The following RPAP2 variants were observed in gnomAD, a reference collection of about 807,000 sequenced individuals.
RPAP2 encodes the protein RNA polymerase II associated protein 2.
In RPAP2, 52 loss-of-function variants were observed where a neutral mutation model predicts 73.1. That is an observed-to-expected ratio of 0.71 (90% CI 0.57 to 0.90). The LOEUF is 0.90. Among genes scored for constraint, RPAP2 ranks in the 40% least tolerant of loss-of-function variants. RPAP2 has a pLI of 0.00. For synonymous variants in RPAP2, 225 were observed against 242.1 expected (o/e 0.93, Z 0.65); for missense variants, 598 against 701.8 (o/e 0.85, Z 1.67).
intron 6 of RPAP2, among the ~76,000 whole-genome samples, chr1:92,316,106 A>C (rs1651889958): frequency 6.6e-6 from 1 of 152,226 alleles, no homozygotes; most frequent in South Asian, 2.1e-4. Flanking sequence ...CTAAAATCTT[A>C]AATCTAAGAA....
chr1:92,332,075 G>A (rs1652999889), intron 8 of RPAP2, among the ~76,000 whole-genome samples: 1 of 151,266 alleles, frequency 6.6e-6, no homozygotes, highest in Admixed American at 6.6e-5. Flanking sequence ...TTATCTCTTA[G>A]ATATTGCTTC....
chr1:92,365,873 GT>G (rs1654914257), intron 11 of RPAP2, among the ~76,000 whole-genome samples: 2 of 152,006 alleles, frequency 1.3e-5, no homozygotes, highest in South Asian at 4.1e-4. Context: ...TACTTCTGGG[GT>G]TATTTGTTCA....
At chr1:92,314,915 C>T (rs1411245372) in intron 6 of RPAP2, among the ~76,000 whole-genome samples, 3 of 149,288 alleles carry the variant, frequency 2.0e-5, no homozygotes, top group East Asian at 2.0e-4. Flanking sequence ...CATGGTGGCT[C>T]ACGCCTGTAA....
At chr1:92,302,675 C>T (rs978720460) in intron 3 of RPAP2, among the ~76,000 whole-genome samples, 1 of 132,564 alleles carries the variant, frequency 7.5e-6, no homozygotes, top group African/African-American at 2.8e-5. Flanking sequence ...GATCTCTGCT[C>T]ACTGCAAGCT....
At chr1:92,311,711 A>G (rs1038169541) in intron 6 of RPAP2, among the ~76,000 whole-genome samples, 1 of 152,210 alleles carries the variant, frequency 6.6e-6, no homozygotes, top group African/African-American at 2.4e-5. Context: ...TTGGTTCCAG[A>G]CCACCACTAT....
chr1:92,355,622 A>T lies in RPAP2; in HGVS notation c.1688+9708A>T, dbSNP rs77221199. 6.9e-3 allele frequency among the ~76,000 whole-genome samples: 1,047 copies of T among 152,294 alleles called. 55 individuals are homozygous for T. In the East Asian group the frequency reaches 0.13, roughly 19 times the overall value. On this transcript the variant is annotated intron_variant, in intron 11 of 12. Coordinates refer to ENST00000610020, the MANE Select transcript of RPAP2 (RefSeq NM_024813.3). ...AGATTTCAGAGTACTCATTTAAGAA[A>T]GTGAGAGGAACACCCCCAAGATGCC... is the stretch of plus-strand genomic sequence containing the variant.
At chr1:92,307,665 A>AT (rs1281689760) in intron 6 of RPAP2, among the ~76,000 whole-genome samples, 5 of 152,178 alleles carry the variant, frequency 3.3e-5, no homozygotes, top group Non-Finnish European at 5.9e-5. Flanking sequence ...GTTCAGGTTC[A>AT]TTTAATCTTT....
chr1:92,380,592 T>A (rs1183978313), intron 11 of RPAP2, 132 bp from the exon 12 acceptor site: 1 of 527,960 alleles, frequency 1.9e-6, no homozygotes, highest in Non-Finnish European at 3.2e-6. Flanking sequence ...AGTAAAGCCT[T>A]CTCTCTGGGA....
chr1:92,382,771 A>C (rs539353751), intron 12 of RPAP2, among the ~76,000 whole-genome samples: 5 of 152,124 alleles, frequency 3.3e-5, no homozygotes, highest in South Asian at 2.1e-4. Context: ...TCTTTAGTTT[A>C]ATTAGATCCC....
In RPAP2 at chr1:92,392,328, C is replaced by A. The variant is rs1207324122; in HGVS notation, c.*5317C>A. 1 of 152,170 alleles carries A rather than the reference C, an allele frequency of 6.6e-6. No individual in the cohort carries two copies. The highest frequency in any genetic ancestry group is 1.5e-5 in the Non-Finnish European group (1 of 68,024). The allele number at this position is 152,170 out of a possible 1,614,324, so 9.4% of individuals were successfully genotyped here. ...TACAAAAAAGGCCTTCAACAAAATT[C>A]AACAGCCTTTCATGCTAAAAACCCT... is the stretch of plus-strand genomic sequence containing the variant. On this transcript the variant is annotated 3_prime_UTR_variant, in exon 13 of 13. Coordinates refer to ENST00000610020, the MANE Select transcript of RPAP2 (RefSeq NM_024813.3).
chr1:92,311,972 G>A (rs775428677), intron 6 of RPAP2, among the ~76,000 whole-genome samples: 9 of 152,186 alleles, frequency 5.9e-5, no homozygotes, highest in Non-Finnish European at 1.0e-4. Context: ...GGGTGGTGGT[G>A]TCTATAGGTT....
Position 92,339,497 on chromosome 1 carries a change from C to T in RPAP2, c.1619+3070C>T, listed in dbSNP as rs115206922. The stretch of plus-strand genomic sequence containing the variant: ...ATAATAATAATTTTGGGACAAATAC[C>T]TCACTGACCTTCCCAGTCCCTTGGT... On this transcript the variant is annotated intron_variant, in intron 10 of 12. Coordinates refer to ENST00000610020, the MANE Select transcript of RPAP2 (RefSeq NM_024813.3). Among the ~76,000 whole-genome samples, 43 of 152,040 alleles carry T rather than the reference C, an allele frequency of 2.8e-4. 1 individual carries two copies. Among genetic ancestry groups the T allele is most frequent in the Non-Finnish European group, 1.5e-5 (1 of 68,028 alleles).
chr1:92,377,538 A>G (rs1190962537), intron 11 of RPAP2, among the ~76,000 whole-genome samples: 1 of 150,514 alleles, frequency 6.6e-6, no homozygotes, highest in Non-Finnish European at 1.5e-5. Flanking sequence ...AAAAAAAAAA[A>G]AAGAATTGGG....
chr1:92,350,705 C>T (rs750141227), intron 11 of RPAP2, among the ~76,000 whole-genome samples: 5 of 152,142 alleles, frequency 3.3e-5, no homozygotes, highest in Non-Finnish European at 5.9e-5. Flanking sequence ...TCTGGGAGGC[C>T]GAGGCAGGCG....
At chr1:92,371,487 T>C (rs1655152049) in intron 11 of RPAP2, among the ~76,000 whole-genome samples, 1 of 151,918 alleles carries the variant, frequency 6.6e-6, no homozygotes, top group African/African-American at 2.4e-5. Context: ...CCCATTTTCA[T>C]TGCAGCATTG....
chr1:92,364,191 G>T (rs1008222682), intron 11 of RPAP2, among the ~76,000 whole-genome samples: 6 of 151,986 alleles, frequency 3.9e-5, no homozygotes, highest in African/African-American at 1.5e-4. Context: ...CGACCTTCAG[G>T]GTTCCCTTCT....
At chr1:92,378,939 T>C (rs1655502439) in intron 11 of RPAP2, among the ~76,000 whole-genome samples, 1 of 152,236 alleles carries the variant, frequency 6.6e-6, no homozygotes, top group South Asian at 2.1e-4. Flanking sequence ...GAATGCACAA[T>C]AGCAATTTTC....
chr1:92,384,606 A>C (rs1655787629), intron 12 of RPAP2, among the ~76,000 whole-genome samples: 1 of 150,820 alleles, frequency 6.6e-6, no homozygotes, highest in Admixed American at 6.6e-5. Context: ...CCTGGGTGAC[A>C]GTGCAAAACT....
intron 11 of RPAP2, among the ~76,000 whole-genome samples, chr1:92,369,166 A>G (rs1037534223): frequency 1.3e-5 from 2 of 152,228 alleles, no homozygotes; most frequent in Non-Finnish European, 2.9e-5. Flanking sequence ...TTCTCTGCTG[A>G]TTATTTTAAT....
Sources: gnomAD v4.1 joint callset for allele counts (sites outside exome capture counted in the v4.1 genomes callset) on GRCh38, gnomAD v4.1.1 for gene constraint, MANE v1.5 for transcripts, NCBI Gene and HGNC (gene_info 2026-07-23, HGNC 2026-07-21) for gene names.